TRAPPC11: variants seen among roughly 807,000 people sequenced by gnomAD.
TRAPPC11 encodes trafficking protein particle complex subunit 11, also known as foie gras homolog.
In TRAPPC11, 104 loss-of-function variants were observed where a neutral mutation model predicts 151.2. The observed-to-expected ratio is 0.69, with a 90% confidence interval of 0.59 to 0.81. The LOEUF (loss-of-function observed/expected upper bound fraction) is 0.81, where lower values mean the gene tolerates loss of function less well. Among genes scored for constraint, TRAPPC11 ranks in the 30% least tolerant of loss-of-function variants. The probability of loss-of-function intolerance (pLI) is 0.00; values close to 1 mark genes in which losing one functional copy is unlikely to be tolerated. For missense variants in TRAPPC11, 1,230 were observed against 1,349.6 expected (o/e 0.91, Z 1.39); for synonymous variants, 456 against 472.3 (o/e 0.97, Z 0.45).
intron 25 of TRAPPC11, among the ~76,000 whole-genome samples, chr4:183,698,826 AG>A (rs1184019897): frequency 4.6e-5 from 7 of 152,068 alleles, no homozygotes; most frequent in Non-Finnish European, 8.8e-5. Flanking sequence ...TCTGGTTGTA[AG>A]GGTTGTTGTA....
chr4:183,660,753 GC>G (rs1459236255), intron 1 of TRAPPC11, among the ~76,000 whole-genome samples: 7 of 152,060 alleles, frequency 4.6e-5, no homozygotes, highest in Admixed American at 3.3e-4. Context: ...TTGCTCTGTT[GC>G]CCAGGCTGGA....
At chr4:183,663,705 G>A in intron 1 of TRAPPC11, 142 bp from the exon 2 acceptor site, 1 of 601,278 alleles carries the variant, frequency 1.7e-6, no homozygotes, top group Non-Finnish European at 2.9e-6. Flanking sequence ...TTTTTAAATA[G>A]AGATTCATAT....
chr4:183,696,803 T>G (rs1178357736), intron 23 of TRAPPC11, among the ~76,000 whole-genome samples: 2 of 152,224 alleles, frequency 1.3e-5, no homozygotes, highest in Non-Finnish European at 2.9e-5. Flanking sequence ...AGCACTTGTT[T>G]CCTTGTGTGA....
In TRAPPC11 at chr4:183,712,762, G is replaced by T; in HGVS notation, c.*118G>T. 1.0e-6 allele frequency: 1 copy of T among 981,100 alleles called. No individual in the cohort carries two copies. Among genetic ancestry groups the T allele is most frequent in the Non-Finnish European group, 1.6e-6 (1 of 625,742 alleles). The allele number at this position is 981,100 out of a possible 1,614,324, so 60.8% of individuals were successfully genotyped here. On this transcript the variant is annotated 3_prime_UTR_variant, in exon 30 of 30. Transcript: ENST00000334690. ...AAGTTAACCTTTTCTATTTTTTAAT[G>T]GATGTTATACCAACTATTCAGAGGA...
chr4:183,685,214 C>T (rs1735905563), intron 16 of TRAPPC11, 57 bp from the exon 17 acceptor site: 8 of 1,608,602 alleles, frequency 5.0e-6, no homozygotes, highest in East Asian at 2.2e-5. Context: ...ATCAACTAAT[C>T]CAAGTAGTGG....
intron 23 of TRAPPC11, among the ~76,000 whole-genome samples, chr4:183,697,263 A>G (rs1197717079): frequency 6.6e-6 from 1 of 151,970 alleles, no homozygotes; most frequent in Non-Finnish European, 1.5e-5. Flanking sequence ...GTGATCTGTG[A>G]TGGTGCCACT....
chr4:183,695,156 G>T (rs1736472421), intron 23 of TRAPPC11, among the ~76,000 whole-genome samples: 1 of 151,948 alleles, frequency 6.6e-6, no homozygotes, highest in Non-Finnish European at 1.5e-5. Context: ...CTCCATGTTG[G>T]TCAGGCTGGT....
At chr4:183,684,604 T>C in intron 14 of TRAPPC11, 92 bp from the exon 15 acceptor site, 1 of 1,378,162 alleles carries the variant, frequency 7.3e-7, no homozygotes, top group Non-Finnish European at 1.0e-6. Context: ...TTTCTATACT[T>C]ACATAAAATG....
Position 183,694,740 on chromosome 4 carries a change from A to G in TRAPPC11, c.2628+17A>G, listed in dbSNP as rs1736443775. On this transcript the variant is annotated intron_variant, in intron 23 of 29. Transcript: ENST00000334690. ...TGTCACAAGGTATTTTTTTATAGCT[A>G]CTTTATAAAGCATCATATGTGGAGT... 1 of 1,601,624 alleles carries G rather than the reference A, an allele frequency of 6.2e-7. No homozygotes were observed. The highest frequency in any genetic ancestry group is 8.5e-7 in the Non-Finnish European group (1 of 1,176,884).
intron 5 of TRAPPC11, among the ~76,000 whole-genome samples, chr4:183,670,905 C>T (rs1735122556): frequency 6.6e-6 from 1 of 152,224 alleles, no homozygotes. Context: ...TCTGCCTCAG[C>T]CTCCCAAGTA....
rs368529822 is a variant in TRAPPC11, at chr4:183,685,376, A to G, written c.1735A>G (p.Ile579Val). The change falls in exon 17 of 30, where the codon ATA becomes GTA. Residue 579 changes from isoleucine to valine, a missense_variant. Physicochemically the swap from Ile to Val is conservative, Grantham distance 29 (BLOSUM62 3). Transcript: ENST00000334690. ...ISLAGSNIFT[I>V]GVQDFVPFVQ... ...TCTGGCTGGCAGCAATATTTTCACA[A>G]TAGGAGTACAGGACTTTGTGCCATT... 5.0e-6 allele frequency: 8 copies of G among 1,614,074 alleles called. No individual in the cohort carries two copies. The highest frequency in any genetic ancestry group is 5.9e-6 in the Non-Finnish European group (7 of 1,180,030).
intron 1 of TRAPPC11, among the ~76,000 whole-genome samples, chr4:183,660,914 C>G (rs1426857874): frequency 6.7e-6 from 1 of 149,000 alleles, no homozygotes; most frequent in Non-Finnish European, 1.5e-5. Context: ...GGGTTTCACC[C>G]TATTGGCCAG....
At chr4:183,688,442 A>G (rs1442929339) in intron 18 of TRAPPC11, among the ~76,000 whole-genome samples, 3 of 152,218 alleles carry the variant, frequency 2.0e-5, no homozygotes, top group Non-Finnish European at 4.4e-5. Flanking sequence ...GTGGTGGGAA[A>G]TAAGGCCAGG....
intron 26 of TRAPPC11, among the ~76,000 whole-genome samples, chr4:183,702,048 T>C (rs1251471654): frequency 2.6e-5 from 4 of 152,144 alleles, no homozygotes; most frequent in African/African-American, 9.7e-5. Flanking sequence ...GGTGTATGTA[T>C]AAGAATGTTC....
intron 10 of TRAPPC11, among the ~76,000 whole-genome samples, chr4:183,681,011 AAG>A (rs1196514020): frequency 6.8e-6 from 1 of 147,432 alleles, no homozygotes; most frequent in East Asian, 1.9e-4. Flanking sequence ...AGAGACTCTT[AAG>A]AGTCTGTTTG....
intron 18 of TRAPPC11, among the ~76,000 whole-genome samples, chr4:183,689,631 C>CTT (rs777524576): frequency 0.027 from 2,963 of 111,768 alleles, 116 homozygotes; most frequent in African/African-American, 0.095. Flanking sequence ...CACAAGGACT[C>CTT]TTTTTTTTTT....
chr4:183,687,448 C>T (rs1241841466), intron 18 of TRAPPC11, among the ~76,000 whole-genome samples: 1 of 151,936 alleles, frequency 6.6e-6, no homozygotes, highest in Non-Finnish European at 1.5e-5. Context: ...CCCACCTTAG[C>T]CCCCTAAGTA....
chr4:183,692,467 A>C (rs767701886), intron 19 of TRAPPC11, among the ~76,000 whole-genome samples: 1 of 152,006 alleles, frequency 6.6e-6, no homozygotes, highest in African/African-American at 2.4e-5. Context: ...ATAAATAATA[A>C]TTAGTAATTC....
intron 5 of TRAPPC11, among the ~76,000 whole-genome samples, chr4:183,672,895 G>T (rs1735222175): frequency 6.6e-6 from 1 of 151,540 alleles, no homozygotes; most frequent in African/African-American, 2.4e-5. Flanking sequence ...ATAGTCTGTA[G>T]ACATATTTCT....
Sources: gnomAD v4.1 joint callset for allele counts (sites outside exome capture counted in the v4.1 genomes callset) on GRCh38, gnomAD v4.1.1 for gene constraint, MANE v1.5 for transcripts, NCBI Gene and HGNC (gene_info 2026-07-23, HGNC 2026-07-21) for gene names.